MLLT10: variants seen among roughly 807,000 people sequenced by gnomAD.
MLLT10 encodes protein AF-10.
Under a neutral mutation model 129.1 loss-of-function variants are expected in MLLT10, and 30 were observed. That is an observed-to-expected ratio of 0.23 (90% confidence interval 0.17 to 0.32). MLLT10 has a LOEUF of 0.32. Among genes scored for constraint, MLLT10 ranks in the 10% least tolerant of loss-of-function variants. The pLI is 1.00. For synonymous variants in MLLT10, 490 were observed against 446.4 expected, an observed-to-expected ratio of 1.10 and a Z score of -1.23; for missense variants, 1,119 against 1,268.3, an observed-to-expected ratio of 0.88 and a Z score of 1.79.
chr10:21,665,584 A>C (rs946114286), intron 9 of MLLT10, among the ~76,000 whole-genome samples: 1 of 151,864 alleles, frequency 6.6e-6, no homozygotes. Flanking sequence ...CACTGCGCCC[A>C]GCCAAAATAG....
At chr10:21,589,040 G>A (rs144522600) in intron 4 of MLLT10, among the ~76,000 whole-genome samples, 4,878 of 151,950 alleles carry the variant, frequency 0.032, 258 homozygotes, top group African/African-American at 0.11. Flanking sequence ...GCCTCCCAAA[G>A]TGATGGGACT....
At chr10:21,552,359 AG>A (rs1384569817) in intron 3 of MLLT10, among the ~76,000 whole-genome samples, 4 of 147,816 alleles carry the variant, frequency 2.7e-5, no homozygotes. Flanking sequence ...TAAGACTATA[AG>A]ACTAAATCTT....
At chr10:21,730,596 C>T (rs918126967) in intron 16 of MLLT10, among the ~76,000 whole-genome samples, 5 of 152,072 alleles carry the variant, frequency 3.3e-5, no homozygotes, top group African/African-American at 4.8e-5. Flanking sequence ...CTTATAATGC[C>T]ATACCAAGTT....
At chr10:21,624,311 T>C (rs1249249949) in intron 8 of MLLT10, among the ~76,000 whole-genome samples, 1 of 152,194 alleles carries the variant, frequency 6.6e-6, no homozygotes, top group Non-Finnish European at 1.5e-5. Context: ...CTTAACAGTG[T>C]GTTCAGCTTG....
chr10:21,670,966 A>C (rs772136302), intron 10 of MLLT10: 5 of 337,124 alleles, frequency 1.5e-5, no homozygotes, highest in Non-Finnish European at 2.7e-5. Flanking sequence ...ATATGGAATA[A>C]TGCTTAAAAT....
chr10:21,537,847 A>G (rs182493038), intron 2 of MLLT10, among the ~76,000 whole-genome samples: 337 of 152,300 alleles, frequency 2.2e-3, no homozygotes, highest in Non-Finnish European at 3.7e-3. Flanking sequence ...GCAGAAGTCT[A>G]CTTGGTTATT....
intron 3 of MLLT10, among the ~76,000 whole-genome samples, chr10:21,581,044 A>ATT (rs35410894): frequency 1.9e-4 from 25 of 128,740 alleles, no homozygotes; most frequent in Admixed American, 2.4e-4. Context: ...TGTTCAGTGA[A>ATT]TTTTTTTTTT....
chr10:21,649,306 G>T (rs2048799601), intron 8 of MLLT10, among the ~76,000 whole-genome samples: 2 of 152,024 alleles, frequency 1.3e-5, no homozygotes, highest in Non-Finnish European at 1.5e-5. Flanking sequence ...TGAACTCCTT[G>T]GCTTAAGTGA....
chr10:21,579,856 C>A (rs1364823369), intron 3 of MLLT10, among the ~76,000 whole-genome samples: 2 of 152,072 alleles, frequency 1.3e-5, no homozygotes, highest in Non-Finnish European at 2.9e-5. Flanking sequence ...AGCCACCATG[C>A]CTGGCCTCAG....
intron 13 of MLLT10, among the ~76,000 whole-genome samples, chr10:21,712,996 A>T (rs1444472978): frequency 1.3e-5 from 2 of 152,130 alleles, no homozygotes; most frequent in African/African-American, 4.8e-5. Flanking sequence ...AATAGCTTCC[A>T]CCATTTCCCA....
At chr10:21,643,132 A>G (rs572852686) in intron 8 of MLLT10, among the ~76,000 whole-genome samples, 7 of 152,262 alleles carry the variant, frequency 4.6e-5, no homozygotes, top group Admixed American at 1.3e-4. Context: ...TCTCCAGTTC[A>G]AGCGATTCTC....
intron 13 of MLLT10, among the ~76,000 whole-genome samples, chr10:21,705,624 T>A (rs1455279861): frequency 6.6e-6 from 1 of 152,136 alleles, no homozygotes; most frequent in Non-Finnish European, 1.5e-5. Flanking sequence ...CTAGCAGTGG[T>A]TCCCCACATC....
intron 5 of MLLT10, among the ~76,000 whole-genome samples, chr10:21,600,500 T>G (rs1207997323): frequency 1.3e-5 from 2 of 152,156 alleles, no homozygotes; most frequent in Non-Finnish European, 2.9e-5. Context: ...GTAAAACAAG[T>G]CTTGTGTCTA....
At chr10:21,707,189 A>ATTTTTTTTTT (rs1199544245) in intron 13 of MLLT10, among the ~76,000 whole-genome samples, 1 of 122,502 alleles carries the variant, frequency 8.2e-6, no homozygotes, top group African/African-American at 3.2e-5. Flanking sequence ...AGTTTAGATG[A>ATTTTTTTTTT]TTTTTTTTTT....
intron 13 of MLLT10, among the ~76,000 whole-genome samples, chr10:21,704,353 CT>C: frequency 1.5e-5 from 1 of 64,524 alleles, no homozygotes; most frequent in South Asian, 8.4e-4. Context: ...CTCTCTCTCT[CT>C]CTCTATATAT....
chr10:21,655,085 G>T (rs2049421681), intron 9 of MLLT10, among the ~76,000 whole-genome samples: 1 of 151,944 alleles, frequency 6.6e-6, no homozygotes, highest in Admixed American at 6.6e-5. Flanking sequence ...GATTATTGAG[G>T]GTTTGAGATT....
rs374229945 is a variant in MLLT10 at position 21,733,981 on chromosome 10, G to C, written c.2710G>C (p.Gly904Arg). The C allele has an allele frequency of 6.2e-7, 1 of 1,614,060 alleles. No homozygotes were observed. Among genetic ancestry groups the C allele is most frequent in the African/African-American group, 1.3e-5 (1 of 74,924 alleles). The change falls in exon 20 of 23, where the codon GGT (glycine) becomes CGT (arginine). Residue 904 changes from glycine to arginine, a missense_variant. By Grantham distance (125) the Gly-to-Arg change is moderately radical (BLOSUM62 -2). Transcript: ENST00000307729. ...AVGGIIGALP[G>R]NQLAINGIVG... The stretch of plus-strand genomic sequence containing the variant: ...GGGTGGAATAATTGGAGCTTTGCCA[G>C]GTAACCAACTGGCAATTAATGGCAT...
At chr10:21,619,029 T>TACACACACACACACACACAC (rs66469025) in intron 8 of MLLT10, among the ~76,000 whole-genome samples, 2 of 143,778 alleles carry the variant, frequency 1.4e-5, no homozygotes, top group Non-Finnish European at 3.0e-5. Flanking sequence ...CCTGGTGACA[T>TACACACACACACACACACAC]ACACACACAC....
chr10:21,568,410 T>A (rs1314770042), intron 3 of MLLT10, among the ~76,000 whole-genome samples: 1 of 152,232 alleles, frequency 6.6e-6, no homozygotes, highest in Non-Finnish European at 1.5e-5. Flanking sequence ...TTTGATTTCA[T>A]TGAGTGTGCC....
Sources: gnomAD v4.1 joint callset for allele counts (sites outside exome capture counted in the v4.1 genomes callset) on GRCh38, gnomAD v4.1.1 for gene constraint, MANE v1.5 for transcripts, NCBI Gene and HGNC (gene_info 2026-07-23, HGNC 2026-07-21) for gene names.